The following TMEM39A variants were observed in gnomAD, a reference collection of about 807,000 sequenced individuals.
TMEM39A encodes the protein suppressor of SQST-1 aggregates in rpl-43 mutants.
TMEM39A carries 19 observed loss-of-function variants against 51.9 expected under a neutral mutation model. The ratio of observed to expected loss-of-function variants is 0.37; its 90% CI spans 0.26 to 0.54. TMEM39A has a LOEUF of 0.54. Ranked by LOEUF, TMEM39A falls within the 20% of genes least tolerant of loss-of-function variation. The pLI is 0.88. For synonymous variants in TMEM39A, 197 were observed against 220.2 expected, an observed-to-expected ratio of 0.89 and a Z score of 0.93; for missense variants, 433 against 590.5, an observed-to-expected ratio of 0.73 and a Z score of 2.76.
intron 8 of TMEM39A, among the ~76,000 whole-genome samples, chr3:119,433,717 T>C (rs1221866119): frequency 6.6e-6 from 1 of 152,200 alleles, no homozygotes; most frequent in Non-Finnish European, 1.5e-5. Flanking sequence ...CATGTACTTG[T>C]GACTTAAGTC....
chr3:119,431,970 T>G lies in TMEM39A; in HGVS notation c.*11A>C. 3.3e-5 allele frequency: 51 copies of G among 1,539,610 alleles called. No homozygotes were observed. Among genetic ancestry groups the G allele is most frequent in the Non-Finnish European group, 4.2e-5 (47 of 1,130,664 alleles). On this transcript the variant is annotated 3_prime_UTR_variant, in exon 9 of 9. Coordinates refer to ENST00000319172, the MANE Select transcript of TMEM39A (RefSeq NM_018266.3). ...TTTTATCTGAGTTCTCCCTCATTGT[T>G]GAGAGGCAGCTTAGTTTGCCTTGAG...
At position 119,429,738 on chromosome 3, in the gene TMEM39A, A is replaced by G. The variant is rs1298476302; in HGVS notation, c.*2243T>C. ...ATGCCCCGTATGCTGCCATATCTGG[A>G]GGTGAGGGTAGGAGGAACTTTGCAA... On this transcript the variant is annotated 3_prime_UTR_variant, in exon 9 of 9. Coordinates refer to ENST00000319172, the MANE Select transcript of TMEM39A (RefSeq NM_018266.3). 1.3e-5 allele frequency: 2 copies of G among 152,126 alleles called. No homozygotes were observed. Among genetic ancestry groups the G allele is most frequent in the Non-Finnish European group, 2.9e-5 (2 of 67,996 alleles). 9.4% of individuals were successfully genotyped at this position (152,126 alleles called of 1,614,324 possible). A position where few individuals can be genotyped will look rare whatever the true frequency, so the allele number is the denominator to read the frequency against.
chr3:119,446,078 TAA>T (rs2081120953), intron 5 of TMEM39A, among the ~76,000 whole-genome samples: 2 of 152,188 alleles, frequency 1.3e-5, no homozygotes, highest in African/African-American at 4.8e-5. Context: ...TTAGGTACAT[TAA>T]GAGATTAATA....
intron 7 of TMEM39A, chr3:119,435,604 A>G (rs1469516109): frequency 1.0e-6 from 1 of 983,264 alleles, no homozygotes; most frequent in African/African-American, 1.8e-5. Flanking sequence ...ATCTAAGTTA[A>G]TTCATCTCTT....
At chr3:119,447,226 G>C in intron 4 of TMEM39A, 54 bp from the exon 5 acceptor site, 1 of 1,565,694 alleles carries the variant, frequency 6.4e-7, no homozygotes, top group Non-Finnish European at 8.7e-7. Flanking sequence ...TTCTTCAAAA[G>C]CATTGTAATT....
At chr3:119,436,568 G>T in intron 7 of TMEM39A, 1 of 467,710 alleles carries the variant, frequency 2.1e-6, no homozygotes, top group Non-Finnish European at 3.9e-6. Context: ...ACACTAGAGT[G>T]ACTGGGCAGC....
In TMEM39A at chr3:119,429,545, CAGTG is replaced by C. The variant is rs1414417958; in HGVS notation, c.*2432_*2435del. ...TAATGATTACACATTTTTCTACTAT[CAGTG>C]AGCAAATATAGTGTCCCTTCTGTTA... is the stretch of plus-strand genomic sequence containing the variant. On this transcript the variant is annotated 3_prime_UTR_variant, in exon 9 of 9. Transcript: ENST00000319172. 4 of 152,138 alleles carry C rather than the reference CAGTG, an allele frequency of 2.6e-5. No individual in the cohort carries two copies. The highest frequency in any genetic ancestry group is 7.2e-5 in the African/African-American group (3 of 41,432). The allele number at this position is 152,138 out of a possible 1,614,324, so 9.4% of individuals were successfully genotyped here.
intron 3 of TMEM39A, among the ~76,000 whole-genome samples, chr3:119,455,116 A>T (rs993999141): frequency 1.3e-5 from 2 of 152,216 alleles, no homozygotes; most frequent in Admixed American, 1.3e-4. Context: ...AATTATTATG[A>T]GTATCTGACC....
At chr3:119,459,982 C>T (rs1009470547) in intron 2 of TMEM39A, among the ~76,000 whole-genome samples, 1 of 151,854 alleles carries the variant, frequency 6.6e-6, no homozygotes, top group African/African-American at 2.4e-5. Context: ...CATACCTCGT[C>T]CCCAGGTCTT....
intron 5 of TMEM39A, among the ~76,000 whole-genome samples, chr3:119,443,872 T>G (rs1327571252): frequency 6.6e-6 from 1 of 151,636 alleles, no homozygotes; most frequent in Non-Finnish European, 1.5e-5. Flanking sequence ...ACCACTGCAC[T>G]CCAGCCTGGG....
Position 119,428,994 on chromosome 3 carries a change from T to A in TMEM39A, c.*2987A>T, listed in dbSNP as rs2107652866. 6.6e-6 allele frequency among the ~76,000 whole-genome samples: 1 copy of A among 152,266 alleles called. No individual in the cohort carries two copies. The highest frequency in any genetic ancestry group is 2.4e-5 in the African/African-American group (1 of 41,576). ...AAGAGCACTTTATTGGGCTTCACAC[T>A]CAAGATTGTTAATAGATCTGATATC... On this transcript the variant is annotated 3_prime_UTR_variant, in exon 9 of 9. Coordinates refer to ENST00000319172, the MANE Select transcript of TMEM39A (RefSeq NM_018266.3).
At chr3:119,432,949 C>CA (rs2107656535) in intron 8 of TMEM39A, among the ~76,000 whole-genome samples, 1 of 152,214 alleles carries the variant, frequency 6.6e-6, no homozygotes, top group African/African-American at 2.4e-5. Context: ...TATTTACTCC[C>CA]ACTAAATTCT....
At chr3:119,454,158 G>A (rs1243528937) in intron 3 of TMEM39A, among the ~76,000 whole-genome samples, 1 of 152,210 alleles carries the variant, frequency 6.6e-6, no homozygotes, top group Admixed American at 6.5e-5. Flanking sequence ...TTGTAGTGGG[G>A]CAAGATCAGT....
intron 8 of TMEM39A, 141 bp downstream of exon 8, chr3:119,434,621 C>T (rs1421143181): frequency 8.0e-7 from 1 of 1,242,618 alleles, no homozygotes; most frequent in Admixed American, 2.3e-5. Context: ...AGTACAGGGA[C>T]CACTGTTACG....
At chr3:119,460,942 CTTATTT>C (rs1034346858) in intron 2 of TMEM39A, among the ~76,000 whole-genome samples, 4 of 152,066 alleles carry the variant, frequency 2.6e-5, no homozygotes, top group African/African-American at 4.8e-5. Context: ...TATTCTCATT[CTTATTT>C]TTAAGTATAT....
rs2080908940 is a variant in TMEM39A, at chr3:119,432,087, A to T, written c.1361T>A (p.Ile454Asn). ...TAAAACATAGTAGTTGCAGAAGAGG[A>T]TGAGAGCCATGGAAAGTGTGTGGTT... Reference protein sequence around the residue: ...KWNHTLSMALILFCNYYVLFK... With the variant: ...KWNHTLSMALNLFCNYYVLFK... The change falls in exon 9 of 9, where the codon ATC (isoleucine) becomes AAC (asparagine). Residue 454 changes from isoleucine (I) to asparagine (N), a missense_variant. By Grantham distance (149) the Ile-to-Asn change is moderately radical. Transcript: ENST00000319172. 6.2e-7 allele frequency: 1 copy of T among 1,613,318 alleles called. No homozygotes were observed. The highest frequency in any genetic ancestry group is 1.7e-5 in the Admixed American group (1 of 59,880).
chr3:119,448,110 TATATAA>T (rs1247041347), intron 4 of TMEM39A, among the ~76,000 whole-genome samples: 2 of 152,216 alleles, frequency 1.3e-5, no homozygotes, highest in African/African-American at 4.8e-5. Context: ...GACAGATCCC[TATATAA>T]ATAAGTTTCT....
At chr3:119,453,841 AT>A (rs1277075573) in intron 3 of TMEM39A, among the ~76,000 whole-genome samples, 8 of 152,218 alleles carry the variant, frequency 5.3e-5, no homozygotes, top group African/African-American at 1.9e-4. Context: ...AGGGCAAGTA[AT>A]GACAATAAAC....
intron 7 of TMEM39A, chr3:119,435,875 G>A (rs902978428): frequency 1.9e-5 from 25 of 1,289,442 alleles, no homozygotes; most frequent in South Asian, 1.7e-4. Context: ...GCCCACAGTC[G>A]GGTTTCTTTT....
Sources: gnomAD v4.1 joint callset for allele counts (sites outside exome capture counted in the v4.1 genomes callset) on GRCh38, gnomAD v4.1.1 for gene constraint, MANE v1.5 for transcripts, NCBI Gene and HGNC (gene_info 2026-07-23, HGNC 2026-07-21) for gene names.